The following AP3B1 variants were observed in gnomAD, a reference collection of about 807,000 sequenced individuals.
AP3B1 encodes adaptor related protein complex 3 subunit beta 1.
Under a neutral mutation model 132.5 loss-of-function variants are expected in AP3B1, and 61 were observed. The observed-to-expected ratio is 0.46, with a 90% CI of 0.37 to 0.57. The LOEUF is 0.57. Ranked by LOEUF, AP3B1 falls within the 20% of genes least tolerant of loss-of-function variation. The pLI is 0.00. For synonymous variants in AP3B1, 388 were observed against 438.3 expected (o/e 0.89, Z 1.43); for missense variants, 1,120 against 1,289.4 (o/e 0.87, Z 2.01).
intron 6 of AP3B1, among the ~76,000 whole-genome samples, chr5:78,224,467 T>A (rs1746319848): frequency 6.6e-6 from 1 of 151,894 alleles, no homozygotes; most frequent in Non-Finnish European, 1.5e-5. Context: ...GCATGAAACA[T>A]ATAAAAGCAA....
intron 22 of AP3B1, among the ~76,000 whole-genome samples, chr5:78,049,005 T>C (rs1380384761): frequency 6.6e-6 from 1 of 152,218 alleles, no homozygotes; most frequent in African/African-American, 2.4e-5. Flanking sequence ...CTGAACCATA[T>C]GTATCTGCCA....
chr5:78,220,639 G>C (rs1746137348), intron 6 of AP3B1, among the ~76,000 whole-genome samples: 1 of 151,408 alleles, frequency 6.6e-6, no homozygotes, highest in Non-Finnish European at 1.5e-5. Context: ...ACTTGAAAGA[G>C]AGGATGATTC....
At chr5:78,218,341 T>C (rs889669291) in intron 6 of AP3B1, among the ~76,000 whole-genome samples, 1 of 152,156 alleles carries the variant, frequency 6.6e-6, no homozygotes, top group Non-Finnish European at 1.5e-5. Context: ...AATAGTAGCT[T>C]TTCATATCAG....
Position 78,070,497 on chromosome 5 carries a change from C to G in AP3B1, c.2577+18896G>C, listed in dbSNP as rs182685098. On this transcript the variant is annotated intron_variant, in intron 22 of 26. Coordinates refer to ENST00000255194, the MANE Select transcript of AP3B1 (RefSeq NM_003664.5). ...GGCAATATCATTTAGGACATAGGCA[C>G]AGGCAAAGATTTTATGATGAAAACG... Among the ~76,000 whole-genome samples, 334 of 151,176 alleles carry G rather than the reference C, an allele frequency of 2.2e-3. 2 individuals are homozygous for G. Among genetic ancestry groups the G allele is most frequent in the Non-Finnish European group, 4.0e-3 (272 of 67,882 alleles).
chr5:78,109,860 C>T (rs1228171318), intron 20 of AP3B1, among the ~76,000 whole-genome samples: 1 of 151,946 alleles, frequency 6.6e-6, no homozygotes, highest in Non-Finnish European at 1.5e-5. Flanking sequence ...GCAAAATGCC[C>T]AATATTTTTA....
At chr5:78,230,177 AT>A (rs1746584926) in intron 3 of AP3B1, among the ~76,000 whole-genome samples, 3 of 152,310 alleles carry the variant, frequency 2.0e-5, no homozygotes, top group Admixed American at 2.0e-4. Flanking sequence ...TCCTCACGGA[AT>A]TTTTTTAAAA....
intron 24 of AP3B1, among the ~76,000 whole-genome samples, chr5:78,023,950 A>G (rs1257834474): frequency 6.6e-6 from 1 of 152,210 alleles, no homozygotes; most frequent in Non-Finnish European, 1.5e-5. Flanking sequence ...GAGCCAGTAA[A>G]GAAGAAGAAA....
At chr5:78,150,775 ATTTT>A (rs901586814) in intron 14 of AP3B1, among the ~76,000 whole-genome samples, 1 of 150,550 alleles carries the variant, frequency 6.6e-6, no homozygotes, top group African/African-American at 2.4e-5. Context: ...TTATTTATTT[ATTTT>A]TTTTTTACAT....
intron 24 of AP3B1, among the ~76,000 whole-genome samples, chr5:78,032,583 C>T (rs894516443): frequency 2.0e-5 from 3 of 152,022 alleles, no homozygotes; most frequent in African/African-American, 7.2e-5. Flanking sequence ...GATCGGTTTC[C>T]ATTTTCTGAT....
chr5:78,191,112 A>G (rs1365865015), intron 7 of AP3B1, among the ~76,000 whole-genome samples: 1 of 152,206 alleles, frequency 6.6e-6, no homozygotes, highest in Non-Finnish European at 1.5e-5. Flanking sequence ...AAGCCTTTAG[A>G]GAACACTTTT....
At chr5:78,080,532 A>G (rs963730570) in intron 22 of AP3B1, among the ~76,000 whole-genome samples, 5 of 149,390 alleles carry the variant, frequency 3.3e-5, no homozygotes, top group African/African-American at 1.2e-4. Context: ...ATGTGTAGCC[A>G]CATCGATTAG....
intron 14 of AP3B1, among the ~76,000 whole-genome samples, chr5:78,155,810 T>A (rs1216970106): frequency 6.6e-6 from 1 of 151,752 alleles, no homozygotes; most frequent in East Asian, 1.9e-4. Flanking sequence ...TTATAAGTGA[T>A]CAAAAACCAA....
At chr5:78,079,988 C>T (rs985322298) in intron 22 of AP3B1, among the ~76,000 whole-genome samples, 4 of 152,148 alleles carry the variant, frequency 2.6e-5, no homozygotes, top group Non-Finnish European at 5.9e-5. Context: ...CAAATGGCTT[C>T]CTATGTATTC....
intron 7 of AP3B1, among the ~76,000 whole-genome samples, chr5:78,210,585 T>C (rs1173266326): frequency 1.3e-5 from 2 of 152,178 alleles, no homozygotes; most frequent in Admixed American, 6.5e-5. Context: ...CGGATTCATA[T>C]TCTAAAAAAT....
intron 25 of AP3B1, among the ~76,000 whole-genome samples, chr5:78,018,489 C>T (rs962652448): frequency 6.7e-5 from 7 of 104,432 alleles, no homozygotes; most frequent in South Asian, 5.6e-4. Context: ...TTTTCAGTTA[C>T]GTATATCTTT....
chr5:78,143,553 G>T (rs1753245011), intron 14 of AP3B1, among the ~76,000 whole-genome samples: 1 of 152,120 alleles, frequency 6.6e-6, no homozygotes, highest in African/African-American at 2.4e-5. Flanking sequence ...CAACATTTTT[G>T]AGCAGGTGGA....
At chr5:78,226,162 C>T (rs1253645752) in intron 5 of AP3B1, among the ~76,000 whole-genome samples, 1 of 151,964 alleles carries the variant, frequency 6.6e-6, no homozygotes, top group Non-Finnish European at 1.5e-5. Context: ...CAAGGAGAGG[C>T]AAGCATTGAG....
intron 5 of AP3B1, among the ~76,000 whole-genome samples, chr5:78,225,982 T>C (rs1361459969): frequency 2.6e-5 from 4 of 152,204 alleles, no homozygotes; most frequent in African/African-American, 9.6e-5. Flanking sequence ...TATGCATACA[T>C]ACTTCCCAAA....
At chr5:78,091,480 C>A (rs1750512814) in intron 21 of AP3B1, among the ~76,000 whole-genome samples, 1 of 152,096 alleles carries the variant, frequency 6.6e-6, no homozygotes, top group Non-Finnish European at 1.5e-5. Context: ...CCCAGGCTTC[C>A]TTAGACCCAC....
Sources: gnomAD v4.1 joint callset for allele counts (sites outside exome capture counted in the v4.1 genomes callset) on GRCh38, gnomAD v4.1.1 for gene constraint, MANE v1.5 for transcripts, NCBI Gene and HGNC (gene_info 2026-07-23, HGNC 2026-07-21) for gene names.